MTMR3: variants seen among roughly 807,000 people sequenced by gnomAD.
MTMR3 encodes phosphatidylinositol-3,5-bisphosphate 3-phosphatase MTMR3.
MTMR3 carries 32 observed loss-of-function variants against 132.4 expected under a neutral mutation model. The ratio of observed to expected loss-of-function variants is 0.24; its 90% CI spans 0.18 to 0.32. The LOEUF is 0.32. MTMR3 is among the 10% of genes least tolerant of loss of function. The probability of loss-of-function intolerance (pLI) is 1.00; values close to 1 mark genes in which losing one functional copy is unlikely to be tolerated. For synonymous variants in MTMR3, 556 were observed against 550.3 expected, an observed-to-expected ratio of 1.01 and a Z score of -0.14; for missense variants, 1,216 against 1,489.6, an observed-to-expected ratio of 0.82 and a Z score of 3.02.
At chr22:29,923,145 C>T (rs1216232358) in intron 1 of MTMR3, among the ~76,000 whole-genome samples, 1 of 151,590 alleles carries the variant, frequency 6.6e-6, no homozygotes, top group African/African-American at 2.4e-5. Context: ...GGGTTCACGC[C>T]ATTCTCCTGC....
intron 1 of MTMR3, among the ~76,000 whole-genome samples, chr22:29,924,862 T>G (rs924346799): frequency 1.3e-5 from 2 of 152,216 alleles, no homozygotes; most frequent in Non-Finnish European, 2.9e-5. Context: ...TTGTTCATTG[T>G]TAGTGTATAT....
intron 15 of MTMR3, 100 bp from the exon 16 acceptor site, chr22:30,017,827 T>G: frequency 1.4e-6 from 2 of 1,446,950 alleles, no homozygotes; most frequent in Non-Finnish European, 1.9e-6. Context: ...GTCAGCCCTG[T>G]TGGGTATTCC....
chr22:29,928,474 A>AT (rs1309269848), intron 1 of MTMR3, among the ~76,000 whole-genome samples: 1 of 151,408 alleles, frequency 6.6e-6, no homozygotes, highest in Non-Finnish European at 1.5e-5. Flanking sequence ...GCCTGGCCAC[A>AT]TTTTTTTTCT....
intron 1 of MTMR3, among the ~76,000 whole-genome samples, chr22:29,938,308 T>TG (rs1264507610): frequency 1.3e-5 from 2 of 152,226 alleles, no homozygotes; most frequent in Non-Finnish European, 2.9e-5. Context: ...AACCTTCTCT[T>TG]GAGTATACCC....
chr22:30,016,814 A>G, intron 15 of MTMR3, 116 bp downstream of exon 15: 1 of 1,210,212 alleles, frequency 8.3e-7, no homozygotes, highest in Non-Finnish European at 1.2e-6. Context: ...CTGTCTCTGG[A>G]TGGACTGGTT....
chr22:29,950,428 A>T (rs888275119), intron 1 of MTMR3, among the ~76,000 whole-genome samples: 2 of 151,262 alleles, frequency 1.3e-5, no homozygotes, highest in Non-Finnish European at 2.9e-5. Flanking sequence ...CAGTGGCGTG[A>T]TCTCAGCTCA....
At chr22:29,908,174 C>T (rs1184891626) in intron 1 of MTMR3, among the ~76,000 whole-genome samples, 4 of 152,094 alleles carry the variant, frequency 2.6e-5, no homozygotes, top group Non-Finnish European at 4.4e-5. Flanking sequence ...TGGGAGTAAC[C>T]GTGGTGGAAG....
intron 2 of MTMR3, among the ~76,000 whole-genome samples, chr22:29,960,963 C>T (rs943318933): frequency 3.3e-5 from 5 of 152,204 alleles, no homozygotes; most frequent in Admixed American, 6.5e-5. Flanking sequence ...TGCTCCCACT[C>T]TCTTCCCTAG....
intron 12 of MTMR3, 190 bp from the exon 13 acceptor site, chr22:30,012,178 T>G: frequency 1.8e-6 from 1 of 568,664 alleles, no homozygotes; most frequent in Non-Finnish European, 3.0e-6. Flanking sequence ...AAGGCTCTTC[T>G]CTATTGTATA....
chr22:29,964,009 A>G (rs1226563547), intron 2 of MTMR3, among the ~76,000 whole-genome samples: 1 of 152,170 alleles, frequency 6.6e-6, no homozygotes, highest in Non-Finnish European at 1.5e-5. Flanking sequence ...TGTTGAGTCA[A>G]ATGGTAACTC....
At chr22:29,893,006 T>C (rs2084188780) in intron 1 of MTMR3, among the ~76,000 whole-genome samples, 1 of 152,190 alleles carries the variant, frequency 6.6e-6, no homozygotes, top group African/African-American at 2.4e-5. Context: ...TTTCAAGAGG[T>C]AGACTGAAAG....
At chr22:29,911,984 G>T (rs540384844) in intron 1 of MTMR3, among the ~76,000 whole-genome samples, 1 of 152,144 alleles carries the variant, frequency 6.6e-6, no homozygotes, top group Non-Finnish European at 1.5e-5. Flanking sequence ...TTCTTACAAA[G>T]TAGCTATGAT....
intron 1 of MTMR3, among the ~76,000 whole-genome samples, chr22:29,945,714 A>AAG (rs2065939748): frequency 8.1e-6 from 1 of 122,774 alleles, no homozygotes; most frequent in African/African-American, 3.5e-5. Flanking sequence ...TTTAAAATGA[A>AAG]AAAGAAAAAA....
In MTMR3 at chr22:30,027,289, A is replaced by G. The variant is rs2067929244; in HGVS notation, c.*1488A>G. ...TGCTTAAGCTCTGGCCCTGCCCTGT[A>G]TTCCTCTTCCCCTTGGTAGCAGTTC... On this transcript the variant is annotated 3_prime_UTR_variant, in exon 20 of 20. Coordinates refer to ENST00000401950, the MANE Select transcript of MTMR3 (RefSeq NM_021090.4). The G allele has an allele frequency of 6.5e-6, 1 of 152,792 alleles. No homozygotes were observed. Among genetic ancestry groups the G allele is most frequent in the Non-Finnish European group, 1.5e-5 (1 of 68,086 alleles). The allele number at this position is 152,792 out of a possible 1,614,324, so 9.5% of individuals were successfully genotyped here.
intron 8 of MTMR3, 192 bp downstream of exon 8, chr22:29,999,049 T>A: frequency 2.4e-6 from 1 of 418,622 alleles, no homozygotes; most frequent in Non-Finnish European, 4.2e-6. Flanking sequence ...TGGAAAGTGA[T>A]CCTTACTTAA....
chr22:29,947,509 A>C (rs1455888956), intron 1 of MTMR3, among the ~76,000 whole-genome samples: 1 of 151,530 alleles, frequency 6.6e-6, no homozygotes, highest in Non-Finnish European at 1.5e-5. Context: ...AATTAAAAAA[A>C]AAAAACAAAA....
intron 1 of MTMR3, among the ~76,000 whole-genome samples, chr22:29,913,193 A>G (rs1342450749): frequency 6.6e-6 from 1 of 152,198 alleles, no homozygotes; most frequent in East Asian, 1.9e-4. Context: ...GACAGCAGTG[A>G]GCCATGATTG....
intron 13 of MTMR3, 78 bp downstream of exon 13, chr22:30,012,641 G>A (rs949916992): frequency 1.1e-5 from 16 of 1,408,762 alleles, no homozygotes; most frequent in Non-Finnish European, 1.5e-5. Flanking sequence ...CCAGTTTTGG[G>A]AGTGGTGATT....
intron 1 of MTMR3, among the ~76,000 whole-genome samples, chr22:29,912,410 A>G (rs193269848): frequency 1.3e-5 from 2 of 152,106 alleles, no homozygotes; most frequent in African/African-American, 4.8e-5. Context: ...CTGCCTCCCA[A>G]GTAGCTGGGA....
Sources: allele counts gnomAD v4.1 joint callset (sites outside exome capture counted in the v4.1 genomes callset), GRCh38; gene constraint gnomAD v4.1.1; transcripts MANE v1.5; gene names NCBI Gene and HGNC (gene_info 2026-07-23, HGNC 2026-07-21).